Variants in PLS1 observed in about 807,000 individuals in gnomAD.
PLS1 encodes plastin 1.
PLS1 carries 32 observed loss-of-function variants against 73.7 expected under a neutral mutation model. The ratio of observed to expected loss-of-function variants is 0.43; its 90% CI spans 0.33 to 0.58. The LOEUF is 0.58. Among genes scored for constraint, PLS1 ranks in the 20% least tolerant of loss-of-function variants. PLS1 has a pLI of 0.04. For missense variants in PLS1, 633 were observed against 740.5 expected, an observed-to-expected ratio of 0.85 and a Z score of 1.68; for synonymous variants, 217 against 261.3, an observed-to-expected ratio of 0.83 and a Z score of 1.63.
At chr3:142,612,775 T>C (rs1364834198) in intron 1 of PLS1, among the ~76,000 whole-genome samples, 2 of 152,096 alleles carry the variant, frequency 1.3e-5, no homozygotes, top group Non-Finnish European at 2.9e-5. Flanking sequence ...TTATATTTAA[T>C]TTTTATTTTT....
intron 1 of PLS1, among the ~76,000 whole-genome samples, chr3:142,633,121 AC>A (rs1385870816): frequency 3.9e-5 from 6 of 152,242 alleles, no homozygotes; most frequent in African/African-American, 1.4e-4. Flanking sequence ...AGCAAAATAA[AC>A]CAGTGACAAA....
chr3:142,625,704 G>A (rs1475741201), intron 1 of PLS1, among the ~76,000 whole-genome samples: 3 of 152,132 alleles, frequency 2.0e-5, no homozygotes, highest in African/African-American at 7.2e-5. Flanking sequence ...GCTGGATATG[G>A]TGGCTCATTC....
intron 1 of PLS1, among the ~76,000 whole-genome samples, chr3:142,627,655 G>A (rs2036457662): frequency 6.6e-6 from 1 of 152,192 alleles, no homozygotes; most frequent in Non-Finnish European, 1.5e-5. Context: ...TTTTGAGACA[G>A]TGTCTCGCTC....
chr3:142,634,203 A>G (rs1000419002), intron 1 of PLS1, among the ~76,000 whole-genome samples: 1 of 152,204 alleles, frequency 6.6e-6, no homozygotes, highest in Non-Finnish European at 1.5e-5. Context: ...GTGGTCTAAT[A>G]TTTGTGTACT....
chr3:142,645,809 G>A (rs1160073548), intron 1 of PLS1, among the ~76,000 whole-genome samples: 1 of 152,166 alleles, frequency 6.6e-6, no homozygotes, highest in Non-Finnish European at 1.5e-5. Context: ...TTAAAAATTT[G>A]TGTCATTTTC....
At chr3:142,599,323 C>CTTT (rs869303176) in intron 1 of PLS1, among the ~76,000 whole-genome samples, 28 of 44,206 alleles carry the variant, frequency 6.3e-4, no homozygotes, top group Non-Finnish European at 8.9e-4. Flanking sequence ...CTCAGATATT[C>CTTT]TTTTTTTTTT....
chr3:142,629,673 C>T (rs1274414764), intron 1 of PLS1, among the ~76,000 whole-genome samples: 1 of 152,120 alleles, frequency 6.6e-6, no homozygotes, highest in Non-Finnish European at 1.5e-5. Context: ...TCTTACCAGC[C>T]ACACGGTAAA....
chr3:142,624,087 A>G (rs553985376), intron 1 of PLS1, among the ~76,000 whole-genome samples: 116 of 152,306 alleles, frequency 7.6e-4, no homozygotes, highest in African/African-American at 2.7e-3. Flanking sequence ...TTCACAGATA[A>G]GACATAGTAA....
At chr3:142,656,885 C>G (rs1039479398) in intron 1 of PLS1, 1 of 152,202 alleles carries the variant, frequency 6.6e-6, no homozygotes, top group Non-Finnish European at 1.5e-5. Flanking sequence ...TCTAGAACCT[C>G]TGATCTCAGT....
At chr3:142,687,415 G>C (rs574272701) in intron 9 of PLS1, among the ~76,000 whole-genome samples, 1 of 152,068 alleles carries the variant, frequency 6.6e-6, no homozygotes, top group Admixed American at 6.6e-5. Flanking sequence ...AAAGTGCGGC[G>C]TCCGTAACAT....
intron 1 of PLS1, among the ~76,000 whole-genome samples, chr3:142,600,899 TA>T (rs1560024400): frequency 7.7e-4 from 24 of 31,044 alleles, no homozygotes; most frequent in African/African-American, 3.9e-3. Context: ...TATATATATA[TA>T]TATATATATA....
chr3:142,615,213 C>T (rs909392405), intron 1 of PLS1, among the ~76,000 whole-genome samples: 1 of 152,166 alleles, frequency 6.6e-6, no homozygotes, highest in Non-Finnish European at 1.5e-5. Flanking sequence ...ATGATTGACC[C>T]AGAGAAGTGA....
intron 1 of PLS1, among the ~76,000 whole-genome samples, chr3:142,661,932 T>TA (rs912092460): frequency 6.6e-6 from 1 of 151,738 alleles, no homozygotes; most frequent in African/African-American, 2.4e-5. Flanking sequence ...TGCTTTCACT[T>TA]AAAAAAAATA....
chr3:142,674,774 G>A (rs1232254476), intron 4 of PLS1, among the ~76,000 whole-genome samples: 1 of 152,118 alleles, frequency 6.6e-6, no homozygotes, highest in Admixed American at 6.5e-5. Context: ...TGTTGCCCAG[G>A]CTGGAGTGCA....
At chr3:142,684,544 C>T (rs996017175) in intron 8 of PLS1, 149 bp downstream of exon 8, 27 of 626,998 alleles carry the variant, frequency 4.3e-5, no homozygotes, top group Non-Finnish European at 1.7e-5. Flanking sequence ...GTAGATCCCC[C>T]AATTATATTC....
At chr3:142,696,832 G>A (rs2038219988) in intron 11 of PLS1, among the ~76,000 whole-genome samples, 1 of 151,460 alleles carries the variant, frequency 6.6e-6, no homozygotes, top group Non-Finnish European at 1.5e-5. Flanking sequence ...TAAGATTCCA[G>A]AACCTATAGA....
At chr3:142,653,107 C>T (rs2037135276) in intron 1 of PLS1, among the ~76,000 whole-genome samples, 1 of 152,176 alleles carries the variant, frequency 6.6e-6, no homozygotes, top group Non-Finnish European at 1.5e-5. Context: ...ACTGCCGCCC[C>T]TGACTTGCAC....
chr3:142,600,916 A>ATTTTTT (rs1170933037), intron 1 of PLS1, among the ~76,000 whole-genome samples: 198 of 14,830 alleles, frequency 0.013, 43 homozygotes, highest in Non-Finnish European at 0.017. Flanking sequence ...ATATATATAT[A>ATTTTTT]TTTTTTTTTT....
At chr3:142,623,954 G>C (rs2036366111) in intron 1 of PLS1, among the ~76,000 whole-genome samples, 1 of 152,026 alleles carries the variant, frequency 6.6e-6, no homozygotes, top group Non-Finnish European at 1.5e-5. Flanking sequence ...CTCTTTCTGT[G>C]CCATCTAGAA....
Sources: allele counts gnomAD v4.1 joint callset (sites outside exome capture counted in the v4.1 genomes callset), GRCh38; gene constraint gnomAD v4.1.1; transcripts MANE v1.5; gene names NCBI Gene and HGNC (gene_info 2026-07-23, HGNC 2026-07-21).